MAPK10: variants seen among roughly 807,000 people sequenced by gnomAD.
MAPK10 encodes the protein JNK3 alpha protein kinase.
In MAPK10, 25 loss-of-function variants were observed where a neutral mutation model predicts 59.3. The ratio of observed to expected loss-of-function variants is 0.42; its 90% CI spans 0.31 to 0.59. MAPK10 has a LOEUF of 0.59. Ranked by LOEUF, MAPK10 falls within the 20% of genes least tolerant of loss-of-function variation. The pLI is 0.15. For missense variants in MAPK10, 351 were observed against 568.9 expected (o/e 0.62, Z 3.90); for synonymous variants, 190 against 200.5 (o/e 0.95, Z 0.44).
Position 86,017,583 on chromosome 4 carries a change from T to A in MAPK10, c.1253-213A>T, listed in dbSNP as rs1305615368. Among the ~76,000 whole-genome samples, 1 of 152,146 alleles carries A rather than the reference T, an allele frequency of 6.6e-6. No homozygotes were observed. The highest frequency in any genetic ancestry group is 2.4e-5 in the African/African-American group (1 of 41,418). ...AAGTCCTTCATCACAAGTTATCAAA[T>A]CTCACTCTATATTTGAAATCACCTG... is the stretch of plus-strand genomic sequence containing the variant. On this transcript the variant is annotated intron_variant, in intron 13 of 13. Coordinates refer to ENST00000641462, the MANE Select transcript of MAPK10 (RefSeq NM_138982.4). This position sits in a 1 kb window ranked among gnomAD's most constrained non-coding sequence, Gnocchi z 4.4.
At chr4:86,188,290 T>C (rs2078779243) in intron 3 of MAPK10, among the ~76,000 whole-genome samples, 1 of 152,174 alleles carries the variant, frequency 6.6e-6, no homozygotes, top group Middle Eastern at 3.2e-3. Flanking sequence ...TCAAATGGTG[T>C]TTCTGGTTCT....
chr4:86,098,501 T>A (rs2054655091), intron 9 of MAPK10, 23 bp downstream of exon 9: 1 of 1,611,242 alleles, frequency 6.2e-7, no homozygotes, highest in Non-Finnish European at 8.5e-7. Context: ...CAGGTAAAGC[T>A]GTAGCAAAAG....
intron 1 of MAPK10, among the ~76,000 whole-genome samples, chr4:86,463,422 T>C (rs979014324): frequency 1.3e-5 from 2 of 152,216 alleles, no homozygotes; most frequent in Non-Finnish European, 2.9e-5. Flanking sequence ...GGCAAGCAAT[T>C]GAACCTACTC....
rs564649199 is a variant in MAPK10 at position 86,241,736 on chromosome 4, T to C, written c.-6-47329A>G. The stretch of plus-strand genomic sequence containing the variant: ...CTAATTAGCAATTCCTCTAACCTTT[T>C]ATCAAGGTTCTTGGCTTCTTTGCAT... On this transcript the variant is annotated intron_variant, in intron 2 of 13. Coordinates refer to ENST00000641462, the MANE Select transcript of MAPK10 (RefSeq NM_138982.4). 2.0e-5 allele frequency among the ~76,000 whole-genome samples: 3 copies of C among 152,316 alleles called. No homozygotes were observed. In the South Asian group the frequency reaches 6.2e-4, roughly 32 times the overall value.
At chr4:86,116,700 T>A (rs2058344915) in intron 4 of MAPK10, among the ~76,000 whole-genome samples, 1 of 152,242 alleles carries the variant, frequency 6.6e-6, no homozygotes, top group African/African-American at 2.4e-5. Flanking sequence ...ATTTTAGGTA[T>A]GAATGTCAGC....
At chr4:86,413,206 C>T (rs570332535) in intron 1 of MAPK10, among the ~76,000 whole-genome samples, 5 of 152,258 alleles carry the variant, frequency 3.3e-5, no homozygotes, top group East Asian at 1.9e-4. Flanking sequence ...CCACTCCAGA[C>T]GCTGTTTGCC....
chr4:86,256,689 T>C (rs1413307676), intron 2 of MAPK10, among the ~76,000 whole-genome samples: 1 of 151,376 alleles, frequency 6.6e-6, no homozygotes, highest in Non-Finnish European at 1.5e-5. Context: ...TTTCCAAATA[T>C]CTGAACTTTA....
chr4:86,310,263 CAT>C (rs1285416744), intron 2 of MAPK10, among the ~76,000 whole-genome samples: 1 of 152,128 alleles, frequency 6.6e-6, no homozygotes, highest in Non-Finnish European at 1.5e-5. Context: ...ACCTTGGGCA[CAT>C]GTCAGGATTT....
intron 1 of MAPK10, among the ~76,000 whole-genome samples, chr4:86,377,319 G>A (rs560548451): frequency 6.6e-6 from 1 of 152,298 alleles, no homozygotes; most frequent in Non-Finnish European, 1.5e-5. Context: ...ACTACCAGAA[G>A]ACCTGGAGTT....
At chr4:86,472,170 A>G (rs1391831607) in intron 1 of MAPK10, among the ~76,000 whole-genome samples, 1 of 152,202 alleles carries the variant, frequency 6.6e-6, no homozygotes, top group East Asian at 1.9e-4. Flanking sequence ...ATTGAGAAGC[A>G]CACAAACATT....
chr4:86,104,043 G>A (rs1033442356), intron 5 of MAPK10, among the ~76,000 whole-genome samples: 3 of 151,998 alleles, frequency 2.0e-5, no homozygotes, highest in Non-Finnish European at 2.9e-5. Flanking sequence ...CAAGATAGTT[G>A]CAACTATTTT....
intron 1 of MAPK10, among the ~76,000 whole-genome samples, chr4:86,540,888 AG>A (rs940961433): frequency 1.3e-5 from 2 of 151,892 alleles, no homozygotes; most frequent in African/African-American, 4.8e-5. Flanking sequence ...GGATCACTTG[AG>A]CCCAGAAGTT....
At chr4:86,413,586 T>G (rs1260955576) in intron 1 of MAPK10, among the ~76,000 whole-genome samples, 2 of 152,202 alleles carry the variant, frequency 1.3e-5, no homozygotes, top group Non-Finnish European at 2.9e-5. Context: ...TCCCGGCTGC[T>G]TTGTTTACAC....
intron 9 of MAPK10, among the ~76,000 whole-genome samples, chr4:86,078,997 C>G (rs1340595195): frequency 6.6e-6 from 1 of 151,628 alleles, no homozygotes; most frequent in African/African-American, 2.4e-5. Context: ...CCCCCACCCC[C>G]CCAAAAAAAG....
chr4:86,074,514 T>G (rs1257431684), intron 9 of MAPK10, among the ~76,000 whole-genome samples: 1 of 141,052 alleles, frequency 7.1e-6, no homozygotes. Context: ...TTTGGCATGA[T>G]TTTGCAGTGG....
At chr4:86,177,971 G>A (rs2076058061) in intron 3 of MAPK10, among the ~76,000 whole-genome samples, 1 of 151,830 alleles carries the variant, frequency 6.6e-6, no homozygotes, top group South Asian at 2.1e-4. Context: ...ACCAAAAAAA[G>A]GCAACATGTT....
intron 1 of MAPK10, among the ~76,000 whole-genome samples, chr4:86,538,989 T>A (rs964267520): frequency 2.0e-5 from 3 of 152,160 alleles, no homozygotes; most frequent in South Asian, 4.1e-4. Flanking sequence ...AATCTTTTTT[T>A]AAAAATGCTG....
At chr4:86,185,522 CTTTTG>C (rs948302129) in intron 3 of MAPK10, among the ~76,000 whole-genome samples, 1 of 152,032 alleles carries the variant, frequency 6.6e-6, no homozygotes, top group African/African-American at 2.4e-5. Flanking sequence ...AGGTCTTTCT[CTTTTG>C]TTTTAGTTTT....
chr4:86,122,744 AT>A (rs577223195), intron 4 of MAPK10, among the ~76,000 whole-genome samples: 1 of 152,014 alleles, frequency 6.6e-6, no homozygotes, highest in Non-Finnish European at 1.5e-5. Flanking sequence ...AATAAGATAA[AT>A]TTTTTTCCTT....
Sources: gnomAD v4.1 joint callset for allele counts (sites outside exome capture counted in the v4.1 genomes callset) on GRCh38, gnomAD v4.1.1 for gene constraint, Gnocchi (gnomAD v3.1) non-coding constraint, MANE v1.5 for transcripts, NCBI Gene and HGNC (gene_info 2026-07-23, HGNC 2026-07-21) for gene names.